DNAH2: variants seen among roughly 807,000 people sequenced by gnomAD.
DNAH2 encodes axonemal beta dynein heavy chain 2.
DNAH2 carries 323 observed loss-of-function variants against 523.5 expected under a neutral mutation model. The observed-to-expected ratio is 0.62, with a 90% CI of 0.56 to 0.68. DNAH2 has a LOEUF of 0.68. DNAH2 is among the 30% of genes least tolerant of loss of function. The pLI, the probability that DNAH2 is intolerant of heterozygous loss-of-function variation, is 0.00. For missense variants in DNAH2, 4,907 were observed against 5,701.5 expected (o/e 0.86, Z 4.49); for synonymous variants, 2,093 against 2,177.4 (o/e 0.96, Z 1.08).
At chr17:7,781,307 T>C in intron 39 of DNAH2, 140 bp downstream of exon 39, 1 of 987,150 alleles carries the variant, frequency 1.0e-6, no homozygotes, top group Non-Finnish European at 1.5e-6. Context: ...AAACCCTGTA[T>C]CTACAAAAAG....
Position 7,780,205 on chromosome 17 carries a change from G to A in DNAH2, c.5771G>A (p.Arg1924His). Residue 1924 changes from arginine to histidine, a missense_variant, in exon 37 of 86, where the codon CGC (arginine) becomes CAC (histidine). By Grantham distance (29) the Arg-to-His change is conservative. Transcript: ENST00000572933. The surrounding 1 kb of genome is among the most constrained non-coding windows in gnomAD (Gnocchi z 4.4). Reference protein sequence around the residue: ...ELPENLKSMFRPIAMVVPDST... With the variant: ...ELPENLKSMFHPIAMVVPDST... Reference sequence around the variant, plus strand: ...CCCGAAAATCTTAAATCCATGTTCCGCCCAATTGCCATGGTGGTGCCTGAC... The same window carrying A: ...CCCGAAAATCTTAAATCCATGTTCCACCCAATTGCCATGGTGGTGCCTGAC... The A allele has an allele frequency of 2.5e-6, 4 of 1,614,062 alleles. No individual in the cohort carries two copies. The highest frequency in any genetic ancestry group is 3.4e-6 in the Non-Finnish European group (4 of 1,179,996).
chr17:7,796,338 C>A, intron 49 of DNAH2, 126 bp from the exon 50 acceptor site: 1 of 1,070,116 alleles, frequency 9.3e-7, no homozygotes, highest in East Asian at 2.7e-5. Flanking sequence ...CATGAGCCAC[C>A]GTGCCCGGCC....
Position 7,754,574 on chromosome 17 carries a change from G to T in DNAH2, c.1905-2517G>T. 6.7e-7 allele frequency: 1 copy of T among 1,483,808 alleles called. No homozygotes were observed. The highest frequency in any genetic ancestry group is 9.3e-7 in the Non-Finnish European group (1 of 1,077,644). The allele number at this position is 1,483,808 out of a possible 1,614,324, so 91.9% of individuals were successfully genotyped here. A position where few individuals can be genotyped will look rare whatever the true frequency, so the allele number is the denominator to read the frequency against. ...AGAAGATGCACACCAACAATGCCAAGGCCATGAGTCCACGTGCCGAGGCTC... is the reference window on the plus strand; with the variant it reads ...AGAAGATGCACACCAACAATGCCAATGCCATGAGTCCACGTGCCGAGGCTC... On this transcript the variant is annotated intron_variant, in intron 12 of 85. Transcript: ENST00000572933. The surrounding 1 kb of genome is among the most constrained non-coding windows in gnomAD (Gnocchi z 4.6).
rs1316568855 is a variant in DNAH2, at chr17:7,832,054, A to G, written c.12726+279A>G. Among the ~76,000 whole-genome samples the G allele has an allele frequency of 6.6e-6, 1 of 152,174 alleles. No individual in the cohort carries two copies. Among genetic ancestry groups the G allele is most frequent in the Non-Finnish European group, 1.5e-5 (1 of 68,038 alleles). On this transcript the variant is annotated intron_variant, in intron 82 of 85. Transcript: ENST00000572933. This position sits in a 1 kb window ranked among gnomAD's most constrained non-coding sequence, Gnocchi z 4.3. ...CTACCACTCAGTAGGTGCTTCATCA[A>G]TGCTACCTGGTTAATATTACTGCGG...
intron 8 of DNAH2, chr17:7,737,983 C>T: frequency 1.4e-6 from 1 of 703,160 alleles, no homozygotes; most frequent in South Asian, 1.5e-5. Flanking sequence ...AGATCATCCG[C>T]TTATGCTGCC....
At chr17:7,734,793 G>A in intron 7 of DNAH2, 85 bp downstream of exon 7, 2 of 1,424,900 alleles carry the variant, frequency 1.4e-6, no homozygotes, top group Non-Finnish European at 2.0e-6. Context: ...AGGAGAGGGA[G>A]CCAAGGCAAT....
In DNAH2 at chr17:7,740,071, G is replaced by GA. The variant is rs569172351; in HGVS notation, c.1376+133_1376+134insA. The GA allele has an allele frequency of 3.9e-5, 27 of 694,376 alleles. No individual in the cohort carries two copies. In the East Asian group the frequency reaches 6.1e-4, roughly 16 times the overall value. The allele number at this position is 694,376 out of a possible 1,614,324, so 43.0% of individuals were successfully genotyped here. A position where few individuals can be genotyped will look rare whatever the true frequency, so the allele number is the denominator to read the frequency against. Reference sequence around the variant, plus strand: ...TCGGGATCAGGGCGGTGGCCCGGGGGGGGGGACAGGAGAGAGTGCAGGGGA... The same window carrying GA: ...TCGGGATCAGGGCGGTGGCCCGGGGGAGGGGGACAGGAGAGAGTGCAGGGGA... On this transcript the variant is annotated intron_variant, in intron 9 of 85. Coordinates refer to ENST00000572933, the MANE Select transcript of DNAH2 (RefSeq NM_020877.5).
intron 24 of DNAH2, among the ~76,000 whole-genome samples, chr17:7,769,001 C>G (rs1015995453): frequency 6.6e-6 from 1 of 152,116 alleles, no homozygotes; most frequent in Non-Finnish European, 1.5e-5. Context: ...TAGTGCTCAG[C>G]GAACATGTGG....
rs200353159 is a variant in DNAH2 at position 7,832,735 on chromosome 17, T to C, written c.12883T>C (p.Ser4295Pro). The C allele has an allele frequency of 1.9e-6, 3 of 1,614,024 alleles. No individual in the cohort carries two copies. The highest frequency in any genetic ancestry group is 1.3e-5 in the African/African-American group (1 of 74,988). ...TGGCTTCCTCACTGCTGTGCTGCAG[T>C]CTTCAGCTCGCCAAAACAACGTGAG... ...PTGFLTAVLQ[S>P]SARQNNVSVD... is the part of the protein sequence containing the mutation. Residue 4295 changes from serine to proline, a missense_variant, in exon 83 of 86, where the codon TCT becomes CCT. Ser to Pro is a moderately conservative substitution (Grantham distance 74). Around this residue, in one of 3 missense-constraint regions of DNAH2, gnomAD observed 1,851 missense variants for 2,139.4 expected, o/e 0.87. Coordinates refer to ENST00000572933, the MANE Select transcript of DNAH2 (RefSeq NM_020877.5). The surrounding 1 kb of genome is among the most constrained non-coding windows in gnomAD (Gnocchi z 4.3).
chr17:7,818,376 C>T lies in DNAH2; in HGVS notation c.10452C>T (p.Tyr3484=). The change falls in exon 69 of 86, where the codon TAC becomes TAT. Residue 3484 remains tyrosine, a synonymous_variant. Coordinates refer to ENST00000572933, the MANE Select transcript of DNAH2 (RefSeq NM_020877.5). Reference sequence around the variant, plus strand: ...AATATAATACCAATTTCCGTTTCTACATCACCACCAAGCTCTCCAACCCCC... The same window carrying T: ...AATATAATACCAATTTCCGTTTCTATATCACCACCAAGCTCTCCAACCCCC... ...EVEYNTNFRF[Y]ITTKLSNPHY... 2 of 1,614,228 alleles carry T rather than the reference C, an allele frequency of 1.2e-6. No individual in the cohort carries two copies. The highest frequency in any genetic ancestry group is 1.7e-6 in the Non-Finnish European group (2 of 1,180,042).
At chr17:7,769,311 G>GAA in intron 24 of DNAH2, among the ~76,000 whole-genome samples, 1 of 152,116 alleles carries the variant, frequency 6.6e-6, no homozygotes, top group East Asian at 1.9e-4. Context: ...ACAGGCACCT[G>GAA]CCACCATGCT....
intron 12 of DNAH2, among the ~76,000 whole-genome samples, chr17:7,749,954 G>A (rs371135563): frequency 1.3e-5 from 2 of 152,108 alleles, no homozygotes; most frequent in Non-Finnish European, 2.9e-5. Context: ...CTGAGATCAC[G>A]CCATTGCACT....
At chr17:7,793,333 TC>T in intron 48 of DNAH2, 128 bp downstream of exon 48, 1 of 941,526 alleles carries the variant, frequency 1.1e-6, no homozygotes, top group Non-Finnish European at 1.5e-6. Flanking sequence ...AGCGTCCTTC[TC>T]CATGACAGCA....
In DNAH2 at chr17:7,830,706, C is replaced by T. The variant is rs1203093478; in HGVS notation, c.12094C>T (p.Pro4032Ser). 1.9e-6 allele frequency: 3 copies of T among 1,614,054 alleles called. No individual in the cohort carries two copies. The highest frequency in any genetic ancestry group is 2.2e-5 in the East Asian group (1 of 44,896). ...CTATCTCGATGAGTACGAGGAGACA[C>T]CTTGGGACGCACTTAAGTACCTCAT... ...SLYLDEYEET[P>S]WDALKYLIAG... is the part of the protein sequence containing the mutation. The change falls in exon 79 of 86, where the codon CCT (proline) becomes TCT (serine). Residue 4032 changes from proline (P) to serine (S), a missense_variant. By Grantham distance (74) the Pro-to-Ser change is moderately conservative (BLOSUM62 -1). Around this residue, in one of 3 missense-constraint regions of DNAH2, gnomAD observed 1,851 missense variants for 2,139.4 expected, o/e 0.87. Coordinates refer to ENST00000572933, the MANE Select transcript of DNAH2 (RefSeq NM_020877.5).
chr17:7,792,210 T>G (rs764927503), intron 45 of DNAH2, 42 bp from the exon 46 acceptor site: 1 of 1,607,500 alleles, frequency 6.2e-7, no homozygotes, highest in African/African-American at 1.3e-5. Context: ...TGGAGAAGGC[T>G]CAAGGAAGGC....
chr17:7,766,640 C>CTTTTTTTTTTTT (rs58072098), intron 22 of DNAH2, among the ~76,000 whole-genome samples, 159 bp downstream of exon 22: 1 of 84,442 alleles, frequency 1.2e-5, no homozygotes, highest in African/African-American at 4.6e-5. Context: ...AAAATTAATC[C>CTTTTTTTTTTTT]TTTTTTTTTT....
chr17:7,815,377 GA>G (rs1360278239), intron 63 of DNAH2, among the ~76,000 whole-genome samples: 1 of 152,222 alleles, frequency 6.6e-6, no homozygotes, highest in Non-Finnish European at 1.5e-5. Flanking sequence ...GCGGGAAAGG[GA>G]ACATGTATCG....
In DNAH2 at chr17:7,734,173, C is replaced by T. The variant is rs769254099; in HGVS notation, c.629-10C>T. 4.4e-6 allele frequency: 7 copies of T among 1,576,088 alleles called. No homozygotes were observed. Among genetic ancestry groups the T allele is most frequent in the Non-Finnish European group, 6.0e-6 (7 of 1,159,916 alleles). ...CCTCTGTCCACTTCCACAAACTTTC[C>T]TTTCCTTAGACACTCGGTACAAACT... is the stretch of plus-strand genomic sequence containing the variant. On this transcript the variant is annotated splice_polypyrimidine_tract_variant and intron_variant, in intron 5 of 85. Transcript: ENST00000572933.
intron 23 of DNAH2, 23 bp downstream of exon 23, chr17:7,768,084 C>T (rs780254534): frequency 1.1e-5 from 18 of 1,613,972 alleles, no homozygotes; most frequent in South Asian, 4.4e-5. Context: ...GGCGGGGAGG[C>T]GGAAGAGAAG....
Sources: gnomAD v4.1 joint callset for allele counts (sites outside exome capture counted in the v4.1 genomes callset) on GRCh38, gnomAD v4.1.1 for gene constraint, gnomAD v4.1.1 regional missense constraint, Gnocchi (gnomAD v3.1) non-coding constraint, MANE v1.5 for transcripts, NCBI Gene and HGNC (gene_info 2026-07-23, HGNC 2026-07-21) for gene names.